The following ACAP2 variants were observed in gnomAD, a reference collection of about 807,000 sequenced individuals.
The protein encoded by ACAP2 is ArfGAP with coiled-coil, ankyrin repeat and PH domains 2, also known as arf-GAP with coiled-coil, ANK repeat and PH domain-containing protein 2.
In ACAP2, 39 loss-of-function variants were observed where a neutral mutation model predicts 115.8. That is an observed-to-expected ratio of 0.34 (90% CI 0.26 to 0.44). The LOEUF (loss-of-function observed/expected upper bound fraction) is 0.44, where lower values mean the gene tolerates loss of function less well. Among genes scored for constraint, ACAP2 ranks in the 20% least tolerant of loss-of-function variants. The pLI is 1.00. For missense variants in ACAP2, 662 were observed against 927.6 expected, an observed-to-expected ratio of 0.71 and a Z score of 3.72; for synonymous variants, 289 against 315.8, an observed-to-expected ratio of 0.92 and a Z score of 0.90.
rs72607897 is a variant in ACAP2, at chr3:195,279,087, C to T, written c.*241G>A. 8,404 of 326,896 alleles carry T rather than the reference C, an allele frequency of 0.026. 279 individuals are homozygous for T. The highest frequency in any genetic ancestry group is 0.091 in the South Asian group (1,555 of 17,072). The allele number at this position is 326,896 out of a possible 1,614,324, so 20.2% of individuals were successfully genotyped here. ...GATGGCCTAAATCTAGACTGAACTT[C>T]TGTCTACAGAAATAGCCCTTTAAAT... is the stretch of plus-strand genomic sequence containing the variant. On this transcript the variant is annotated 3_prime_UTR_variant, in exon 23 of 23. Transcript: ENST00000326793.
intron 6 of ACAP2, among the ~76,000 whole-genome samples, chr3:195,338,887 T>TA (rs202033055): frequency 0.035 from 5,123 of 145,346 alleles, 226 homozygotes; most frequent in African/African-American, 0.11. Context: ...AGCACTAAAT[T>TA]AAAAAAAAAA....
At position 195,330,824 on chromosome 3, in the gene ACAP2, T is replaced by C. The variant is rs572105109; in HGVS notation, c.669+2204A>G. 6.6e-5 allele frequency among the ~76,000 whole-genome samples: 10 copies of C among 151,154 alleles called. No individual in the cohort carries two copies. The South Asian group carries it at 2.1e-3, about 32-fold the overall frequency. On this transcript the variant is annotated intron_variant, in intron 8 of 22. Transcript: ENST00000326793. ...CATTGGGATATATGTAGAAGTGATA[T>C]GTACAATTTCTAGGAAATGTGCTTA...
intron 4 of ACAP2, 31 bp from the exon 5 acceptor site, chr3:195,345,348 A>C: frequency 7.2e-7 from 1 of 1,379,358 alleles, no homozygotes; most frequent in Middle Eastern, 1.9e-4. Context: ...TTAAGTGATT[A>C]GAAAAGTAAA....
At chr3:195,425,674 T>C (rs1271418790) in intron 1 of ACAP2, among the ~76,000 whole-genome samples, 2 of 152,130 alleles carry the variant, frequency 1.3e-5, no homozygotes, top group African/African-American at 2.4e-5. Context: ...ATGTAAAAAA[T>C]ATAACTCTTG....
intron 21 of ACAP2, 51 bp from the exon 22 acceptor site, chr3:195,285,908 C>A (rs1726815743): frequency 7.3e-7 from 1 of 1,366,332 alleles, no homozygotes; most frequent in South Asian, 1.3e-5. Flanking sequence ...ATATAAATGT[C>A]ATAAATAAAG....
intron 18 of ACAP2, 141 bp downstream of exon 18, chr3:195,294,578 C>CA (rs71637158): frequency 1.6e-3 from 115 of 73,208 alleles, no homozygotes; most frequent in Admixed American, 3.3e-3. Flanking sequence ...AACTCCATCT[C>CA]AAAAAAAAAA....
rs746460922 is a variant in ACAP2 at position 195,381,883 on chromosome 3, G to A, written c.231+20C>T. 7 of 1,546,068 alleles carry A rather than the reference G, an allele frequency of 4.5e-6. No individual in the cohort carries two copies. Among genetic ancestry groups the A allele is most frequent in the Non-Finnish European group, 5.2e-6 (6 of 1,150,800 alleles). Reference sequence around the variant, plus strand: ...TTGCTTTTTTTTTTCATTTTTAACTGCAATTTTAGTAATACTAACCTCAAC... The same window carrying A: ...TTGCTTTTTTTTTTCATTTTTAACTACAATTTTAGTAATACTAACCTCAAC... On this transcript the variant is annotated intron_variant, in intron 3 of 22. Transcript: ENST00000326793.
intron 4 of ACAP2, among the ~76,000 whole-genome samples, chr3:195,363,573 A>G (rs912933030): frequency 2.6e-5 from 4 of 151,878 alleles, no homozygotes; most frequent in Non-Finnish European, 4.4e-5. Context: ...ACCAATGACA[A>G]TCTTCACAAA....
intron 21 of ACAP2, among the ~76,000 whole-genome samples, chr3:195,288,267 CT>C (rs1560201880): frequency 6.6e-6 from 1 of 152,178 alleles, no homozygotes; most frequent in East Asian, 1.9e-4. Flanking sequence ...TTATCTATGG[CT>C]TGGCTTCTTT....
chr3:195,331,469 C>T (rs1451530692), intron 8 of ACAP2, among the ~76,000 whole-genome samples: 1 of 151,792 alleles, frequency 6.6e-6, no homozygotes, highest in Non-Finnish European at 1.5e-5. Context: ...TATGCCACCA[C>T]GCCTGGATAA....
intron 18 of ACAP2, 21 bp from the exon 19 acceptor site, chr3:195,292,473 C>A: frequency 6.4e-7 from 1 of 1,565,222 alleles, no homozygotes; most frequent in Non-Finnish European, 8.6e-7. Context: ...AACACATACA[C>A]ATCAATAAAA....
At chr3:195,381,521 T>C (rs1296836742) in intron 3 of ACAP2, among the ~76,000 whole-genome samples, 1 of 152,124 alleles carries the variant, frequency 6.6e-6, no homozygotes, top group Non-Finnish European at 1.5e-5. Context: ...CAGCCCCCTA[T>C]ACATACAGTT....
At chr3:195,435,010 CT>C (rs1308720327) in intron 1 of ACAP2, among the ~76,000 whole-genome samples, 1 of 150,552 alleles carries the variant, frequency 6.6e-6, no homozygotes, top group African/African-American at 2.5e-5. Context: ...TTTTGTTAGG[CT>C]TTTCAAAGAA....
Position 195,301,581 on chromosome 3 carries a change from A to C in ACAP2, c.1389T>G (p.Leu463=), listed in dbSNP as rs1330353350. 1 of 1,607,732 alleles carries C rather than the reference A, an allele frequency of 6.2e-7. No homozygotes were observed. Among genetic ancestry groups the C allele is most frequent in the Non-Finnish European group, 8.5e-7 (1 of 1,178,412 alleles). The change falls in exon 15 of 23, where the codon CTT becomes CTG. Residue 463 remains leucine (L), a synonymous_variant. Coordinates refer to ENST00000326793, the MANE Select transcript of ACAP2 (RefSeq NM_012287.6). ...AAGCAAAAATTTTTTTTACCTTTAA[A>C]AGTTCTGGCTCCCAGGTGTCTAAAG... The part of the protein sequence containing the change: ...SLTLDTWEPE[L]LKLMCELGND...
chr3:195,405,661 A>C (rs1307194696), intron 1 of ACAP2, among the ~76,000 whole-genome samples: 1 of 151,652 alleles, frequency 6.6e-6, no homozygotes, highest in Non-Finnish European at 1.5e-5. Context: ...ACTCCAGCCT[A>C]GGCAACAGAG....
chr3:195,304,583 G>A (rs1243525436), intron 13 of ACAP2, among the ~76,000 whole-genome samples: 1 of 152,192 alleles, frequency 6.6e-6, no homozygotes, highest in Non-Finnish European at 1.5e-5. Flanking sequence ...GTTATTCTCT[G>A]GAGGATTAAA....
chr3:195,412,103 T>C lies in ACAP2; in HGVS notation c.54-19956A>G, dbSNP rs114824065. ...ACTTTAGGAAGCCAAGAAAGGAGGATTGCTTGAAGCCAGGAGTTCCAGTTC... is the reference window on the plus strand; with the variant it reads ...ACTTTAGGAAGCCAAGAAAGGAGGACTGCTTGAAGCCAGGAGTTCCAGTTC... On this transcript the variant is annotated intron_variant, in intron 1 of 22. Transcript: ENST00000326793. Among the ~76,000 whole-genome samples the C allele has an allele frequency of 5.6e-3, 820 of 147,026 alleles. 12 individuals carry two copies. Among genetic ancestry groups the C allele is most frequent in the African/African-American group, 0.02 (777 of 39,428 alleles).
In ACAP2 at chr3:195,381,969, T is replaced by G. The variant is rs1340121085; in HGVS notation, c.165A>C (p.Ala55=). The G allele has an allele frequency of 6.2e-7, 1 of 1,612,622 alleles. No individual in the cohort carries two copies. The highest frequency in any genetic ancestry group is 2.2e-5 in the East Asian group (1 of 44,832). The part of the protein sequence containing the change: ...MIDTGKAFCV[A]NKQFMNGIRD... ...GAATCCCATTCATGAACTGTTTATT[T>G]GCAACACAAAAGGCTTTTCCAGTAT... is the stretch of plus-strand genomic sequence containing the variant. Residue 55 remains alanine (A), a synonymous_variant, in exon 3 of 23, where the codon GCA becomes GCC. Transcript: ENST00000326793.
chr3:195,387,779 A>G (rs1449433319), intron 2 of ACAP2, among the ~76,000 whole-genome samples: 2 of 152,162 alleles, frequency 1.3e-5, no homozygotes, highest in Non-Finnish European at 2.9e-5. Context: ...TTTAAGGACA[A>G]TCTCTCTTCA....
Sources: allele counts gnomAD v4.1 joint callset (sites outside exome capture counted in the v4.1 genomes callset), GRCh38; gene constraint gnomAD v4.1.1; transcripts MANE v1.5; gene names NCBI Gene and HGNC (gene_info 2026-07-23, HGNC 2026-07-21).